PIK3C2G: variants seen among roughly 807,000 people sequenced by gnomAD.
PIK3C2G encodes the protein phosphatidylinositol-4-phosphate 3-kinase catalytic subunit type 2 gamma.
Under a neutral mutation model 181.1 loss-of-function variants are expected in PIK3C2G, and 168 were observed. That is an observed-to-expected ratio of 0.93 (90% CI 0.82 to 1.05). The LOEUF (loss-of-function observed/expected upper bound fraction) is 1.05, where lower values mean the gene tolerates loss of function less well. Ranked by LOEUF, PIK3C2G falls within the 50% of genes least tolerant of loss-of-function variation. The pLI is 0.00. For missense variants in PIK3C2G, 1,869 were observed against 1,732.8 expected (o/e 1.08, Z -1.40); for synonymous variants, 573 against 592.2 (o/e 0.97, Z 0.47).
chr12:18,383,984 A>T lies in PIK3C2G; in HGVS notation c.1995+2104A>T, dbSNP rs550629582. 1.0e-3 allele frequency among the ~76,000 whole-genome samples: 138 copies of T among 134,376 alleles called. 2 individuals are homozygous for T. The highest frequency in any genetic ancestry group is 2.8e-3 in the African/African-American group (105 of 37,076). The allele number at this position is 134,376 out of a possible 152,430, so 88.2% of individuals were successfully genotyped here. A position where few individuals can be genotyped will look rare whatever the true frequency, so the allele number is the denominator to read the frequency against. On this transcript the variant is annotated intron_variant, in intron 14 of 32. Transcript: ENST00000538779. ...TTGCCCTGTTATTTTTATTATTATT[A>T]TTATTTTTTTTTTTTTTGTAGAGAT...
chr12:18,721,852 C>T, the PIK3C2G span, among the ~76,000 whole-genome samples: 1 of 151,938 alleles, frequency 6.6e-6, no homozygotes, highest in Admixed American at 6.6e-5. Context: ...GTCACTAAGA[C>T]TCAACTCAAT....
chr12:18,575,014 G>C (rs1386722416), intron 29 of PIK3C2G, among the ~76,000 whole-genome samples: 3 of 152,112 alleles, frequency 2.0e-5, no homozygotes, highest in Non-Finnish European at 4.4e-5. Context: ...TTGGCTTATT[G>C]CTGTGCCTCC....
chr12:18,709,104 G>A, the PIK3C2G span, among the ~76,000 whole-genome samples: 2 of 152,028 alleles, frequency 1.3e-5, no homozygotes, highest in African/African-American at 4.8e-5. Context: ...CAGTGTCTAG[G>A]AGCTTTTCTC....
chr12:18,720,905 T>C, the PIK3C2G span, among the ~76,000 whole-genome samples: 1 of 152,096 alleles, frequency 6.6e-6, no homozygotes, highest in African/African-American at 2.4e-5. Flanking sequence ...AAGTAAATGT[T>C]ATGACATCAT....
At chr12:18,504,481 C>T (rs1416264132) in intron 23 of PIK3C2G, among the ~76,000 whole-genome samples, 1 of 152,096 alleles carries the variant, frequency 6.6e-6, no homozygotes, top group Admixed American at 6.6e-5. Flanking sequence ...CTTGCTTAGG[C>T]ATGTAGGAAA....
At chr12:18,491,649 T>A in intron 20 of PIK3C2G, 91 bp downstream of exon 20, 1 of 697,648 alleles carries the variant, frequency 1.4e-6, no homozygotes, top group Non-Finnish European at 2.5e-6. Flanking sequence ...AAAGAATTCG[T>A]AAGTTGACAC....
At chr12:18,487,741 A>G (rs1940190589) in intron 18 of PIK3C2G, among the ~76,000 whole-genome samples, 1 of 152,160 alleles carries the variant, frequency 6.6e-6, no homozygotes. Flanking sequence ...TGGGAAGGCT[A>G]TGAGACGTGG....
chr12:18,312,216 C>G (rs769903306), intron 5 of PIK3C2G, among the ~76,000 whole-genome samples: 1 of 152,134 alleles, frequency 6.6e-6, no homozygotes, highest in Non-Finnish European at 1.5e-5. Flanking sequence ...CAAGTTGACA[C>G]TCAATATTAA....
intron 31 of PIK3C2G, among the ~76,000 whole-genome samples, chr12:18,629,119 C>T (rs1385338705): frequency 6.6e-6 from 1 of 152,108 alleles, no homozygotes; most frequent in Non-Finnish European, 1.5e-5. Flanking sequence ...GGATCCAGCC[C>T]CCTGGCCTAA....
chr12:18,313,488 T>C (rs2137401247), intron 5 of PIK3C2G, among the ~76,000 whole-genome samples: 1 of 152,256 alleles, frequency 6.6e-6, no homozygotes, highest in African/African-American at 2.4e-5. Flanking sequence ...TCTCTAAAGC[T>C]CGTGACATTT....
chr12:18,507,068 C>T (rs997442131), intron 24 of PIK3C2G, among the ~76,000 whole-genome samples: 6 of 150,994 alleles, frequency 4.0e-5, no homozygotes, highest in African/African-American at 1.2e-4. Context: ...CTCATTCTGT[C>T]GCCCAGGCTA....
Position 18,563,805 on chromosome 12 carries a change from A to C in PIK3C2G, c.3902+307A>C, listed in dbSNP as rs142584725. 3.4e-3 allele frequency among the ~76,000 whole-genome samples: 510 copies of C among 152,208 alleles called. 3 individuals carry two copies. Among genetic ancestry groups the C allele is most frequent in the Middle Eastern group, 6.8e-3 (2 of 294 alleles). On this transcript the variant is annotated intron_variant, in intron 28 of 32. Transcript: ENST00000538779. The stretch of plus-strand genomic sequence containing the variant: ...AGTCTCATTTGCCTGTTTTTAATTT[A>C]ATCCTCTTAGTTATTTTTTATAAAA...
At chr12:18,634,763 G>T (rs957414715) in intron 31 of PIK3C2G, among the ~76,000 whole-genome samples, 2 of 152,058 alleles carry the variant, frequency 1.3e-5, no homozygotes, top group East Asian at 1.9e-4. Context: ...GGGGAAAGAG[G>T]CTAATGAGTA....
At chr12:18,305,126 T>C (rs902577267) in intron 5 of PIK3C2G, among the ~76,000 whole-genome samples, 1 of 152,196 alleles carries the variant, frequency 6.6e-6, no homozygotes, top group African/African-American at 2.4e-5. Context: ...CTTCAGTAAA[T>C]AGCTAATGAC....
At chr12:18,343,194 T>C (rs958958552) in intron 9 of PIK3C2G, 133 bp from the exon 10 acceptor site, 7 of 607,610 alleles carry the variant, frequency 1.2e-5, no homozygotes, top group Admixed American at 1.0e-4. Flanking sequence ...CAAATTGATA[T>C]ATGATGCCAA....
chr12:18,501,164 G>C (rs565076904), intron 22 of PIK3C2G, among the ~76,000 whole-genome samples: 1 of 152,204 alleles, frequency 6.6e-6, no homozygotes, highest in Non-Finnish European at 1.5e-5. Flanking sequence ...CAGGAACCCA[G>C]CAATTCCGGA....
At chr12:18,574,747 CTA>C (rs1946143808) in intron 29 of PIK3C2G, among the ~76,000 whole-genome samples, 1 of 152,164 alleles carries the variant, frequency 6.6e-6, no homozygotes, top group African/African-American at 2.4e-5. Flanking sequence ...AACCCCGTAA[CTA>C]GAACTTACTA....
chr12:18,501,165 C>G (rs1350926259), intron 22 of PIK3C2G, among the ~76,000 whole-genome samples: 1 of 152,202 alleles, frequency 6.6e-6, no homozygotes, highest in African/African-American at 2.4e-5. Flanking sequence ...AGGAACCCAG[C>G]AATTCCGGAC....
At chr12:18,247,281 G>A (rs1948049980), upstream of PIK3C2G, among the ~76,000 whole-genome samples, 1 of 152,068 alleles carries the variant, frequency 6.6e-6, no homozygotes, top group African/African-American at 2.4e-5. Flanking sequence ...TCTCTACTTT[G>A]ACACACCCAA....
Sources: allele counts gnomAD v4.1 joint callset (sites outside exome capture counted in the v4.1 genomes callset), GRCh38; gene constraint gnomAD v4.1.1; transcripts MANE v1.5; gene names NCBI Gene and HGNC (gene_info 2026-07-23, HGNC 2026-07-21).